Variants in ADGB observed in about 807,000 individuals in gnomAD.
The protein encoded by ADGB is calpain-7-like protein.
In ADGB, 172 loss-of-function variants were observed where a neutral mutation model predicts 210.5. The observed-to-expected ratio is 0.82, with a 90% CI of 0.72 to 0.93. The LOEUF (loss-of-function observed/expected upper bound fraction) is 0.93, where lower values mean the gene tolerates loss of function less well. Ranked by LOEUF, ADGB falls within the 40% of genes least tolerant of loss-of-function variation. The probability of loss-of-function intolerance (pLI) is 0.00; values close to 1 mark genes in which losing one functional copy is unlikely to be tolerated. For missense variants in ADGB, 2,025 were observed against 1,964.8 expected (o/e 1.03, Z -0.58); for synonymous variants, 658 against 662.7 (o/e 0.99, Z 0.11).
chr6:146,683,185 T>C (rs1467395554), intron 9 of ADGB, among the ~76,000 whole-genome samples: 1 of 152,090 alleles, frequency 6.6e-6, no homozygotes, highest in African/African-American at 2.4e-5. Flanking sequence ...TCCAGAACTG[T>C]GGGGAAATAA....
chr6:146,691,304 C>A lies in ADGB; in HGVS notation c.1486+14C>A. Reference sequence around the variant, plus strand: ...ATGAAGCTCAAGGTATGTATCACATCATCTTCAAATCCTTCTAATTAATGT... The same window carrying A: ...ATGAAGCTCAAGGTATGTATCACATAATCTTCAAATCCTTCTAATTAATGT... On this transcript the variant is annotated intron_variant, in intron 11 of 35. Transcript: ENST00000397944. The A allele has an allele frequency of 6.6e-7, 1 of 1,526,158 alleles. No individual in the cohort carries two copies. The highest frequency in any genetic ancestry group is 1.2e-5 in the South Asian group (1 of 80,844). The allele number at this position is 1,526,158 out of a possible 1,614,324, so 94.5% of individuals were successfully genotyped here.
chr6:146,628,170 G>A (rs908978674), intron 1 of ADGB, among the ~76,000 whole-genome samples: 1 of 150,920 alleles, frequency 6.6e-6, no homozygotes, highest in Non-Finnish European at 1.5e-5. Flanking sequence ...GGTTTGGATA[G>A]AATTTTTTTA....
chr6:146,740,154 C>A (rs187156812), intron 23 of ADGB, among the ~76,000 whole-genome samples: 1 of 152,306 alleles, frequency 6.6e-6, no homozygotes, highest in Admixed American at 6.5e-5. Flanking sequence ...CTTATAGCTT[C>A]AACTTTGGTT....
At chr6:146,740,029 G>A (rs190672735) in intron 23 of ADGB, among the ~76,000 whole-genome samples, 142 of 152,284 alleles carry the variant, frequency 9.3e-4, no homozygotes, top group Non-Finnish European at 1.2e-3. Flanking sequence ...TTTTCCAAAC[G>A]TATTTCTCAC....
intron 21 of ADGB, 71 bp downstream of exon 21, chr6:146,733,326 T>C: frequency 7.4e-7 from 1 of 1,357,558 alleles, no homozygotes; most frequent in Non-Finnish European, 9.8e-7. Flanking sequence ...TTAAGAAATG[T>C]GTTTGTGGAG....
intron 35 of ADGB, among the ~76,000 whole-genome samples, chr6:146,808,989 G>T (rs1161472731): frequency 1.3e-5 from 2 of 151,614 alleles, no homozygotes; most frequent in Non-Finnish European, 2.9e-5. Context: ...GGGAGCCCAC[G>T]CTATTTATTG....
chr6:146,781,776 A>T (rs1018265413), intron 29 of ADGB, among the ~76,000 whole-genome samples: 1 of 152,180 alleles, frequency 6.6e-6, no homozygotes, highest in Non-Finnish European at 1.5e-5. Context: ...ATGGTTACAC[A>T]GTCTTATAAA....
At chr6:146,807,150 AAAGT>A (rs1406972924) in intron 35 of ADGB, among the ~76,000 whole-genome samples, 1 of 152,220 alleles carries the variant, frequency 6.6e-6, no homozygotes, top group African/African-American at 2.4e-5. Context: ...TTGGTAAAAA[AAAGT>A]ATGTTTTGAC....
chr6:146,792,419 C>G (rs1029218769), intron 33 of ADGB, among the ~76,000 whole-genome samples: 3 of 152,142 alleles, frequency 2.0e-5, no homozygotes, highest in African/African-American at 7.2e-5. Context: ...TCCAAGGCTG[C>G]ACCAACCTAC....
chr6:146,788,182 A>G (rs559620557), intron 32 of ADGB, among the ~76,000 whole-genome samples: 196 of 152,226 alleles, frequency 1.3e-3, no homozygotes, highest in African/African-American at 3.9e-3. Context: ...ACATTTTAAT[A>G]TATGGAGGCA....
At chr6:146,664,159 T>C in intron 5 of ADGB, 42 bp from the exon 6 acceptor site, 1 of 1,499,670 alleles carries the variant, frequency 6.7e-7, no homozygotes, top group Non-Finnish European at 8.9e-7. Context: ...GAAAAGACTG[T>C]AAGCCATTGA....
Position 146,685,784 on chromosome 6 carries a change from C to A in ADGB, c.1267C>A (p.Pro423Thr). 1 of 1,541,624 alleles carries A rather than the reference C, an allele frequency of 6.5e-7. No individual in the cohort carries two copies. Among genetic ancestry groups the A allele is most frequent in the Non-Finnish European group, 8.8e-7 (1 of 1,142,674 alleles). Reference protein sequence around the residue: ...SHMVVYATFTPLYLFENKIFS... With the variant: ...SHMVVYATFTTLYLFENKIFS... ...TATGGTCGTATATGCGACATTTACA[C>A]CTCTTTATTTGTTTGAAAACAAGAT... The change falls in exon 10 of 36, where the codon CCT (proline) becomes ACT (threonine). Residue 423 changes from proline to threonine, a missense_variant. Transcript: ENST00000397944.
chr6:146,618,236 T>C (rs899367308), intron 1 of ADGB, among the ~76,000 whole-genome samples: 4 of 151,800 alleles, frequency 2.6e-5, no homozygotes, highest in African/African-American at 4.8e-5. Context: ...TCCTTTGTTG[T>C]CTCAGATTTT....
chr6:146,631,972 A>AC (rs1781072900), intron 1 of ADGB, among the ~76,000 whole-genome samples: 1 of 145,246 alleles, frequency 6.9e-6, no homozygotes, highest in South Asian at 2.2e-4. Context: ...TTAAAAAAAA[A>AC]AAAAAACAAA....
rs1413476102 is a variant in ADGB at position 146,672,394 on chromosome 6, C to T, written c.1014C>T (p.Asp338=). 1.6e-5 allele frequency: 25 copies of T among 1,551,138 alleles called. 1 individual carries two copies. Among genetic ancestry groups the T allele is most frequent in the South Asian group, 2.4e-5 (2 of 84,010 alleles). The change falls in exon 8 of 36, where the codon GAC becomes GAT. Residue 338 remains aspartate, a synonymous_variant. Coordinates refer to ENST00000397944, the MANE Select transcript of ADGB (RefSeq NM_024694.4). Reference sequence around the variant, plus strand: ...TAAAGGATGGAAAGGAAGTAAAAGACGTGAAGGAATTCAAACCTGAAAGTT... The same window carrying T: ...TAAAGGATGGAAAGGAAGTAAAAGATGTGAAGGAATTCAAACCTGAAAGTT... ...KEIKDGKEVK[D]VKEFKPESSL...
intron 27 of ADGB, among the ~76,000 whole-genome samples, chr6:146,758,509 G>A (rs927681275): frequency 2.0e-5 from 3 of 151,974 alleles, no homozygotes; most frequent in South Asian, 2.1e-4. Flanking sequence ...CCATTTATAA[G>A]AGAAGTATAC....
chr6:146,636,024 AC>A (rs1275585764), intron 2 of ADGB, among the ~76,000 whole-genome samples: 1 of 152,072 alleles, frequency 6.6e-6, no homozygotes, highest in Non-Finnish European at 1.5e-5. Flanking sequence ...CTCTTCGTTT[AC>A]TTTTTGTCAC....
In ADGB at chr6:146,815,309, T is replaced by G. The variant is rs1778374791; in HGVS notation, c.*92T>G. On this transcript the variant is annotated 3_prime_UTR_variant, in exon 36 of 36. Coordinates refer to ENST00000397944, the MANE Select transcript of ADGB (RefSeq NM_024694.4). ...CCTGCTGTTAAGATATTAGGCCAAATGAAAATAGAAATTTCTCTTTCTTAG... is the reference window on the plus strand; with the variant it reads ...CCTGCTGTTAAGATATTAGGCCAAAGGAAAATAGAAATTTCTCTTTCTTAG... 16 of 928,306 alleles carry G rather than the reference T, an allele frequency of 1.7e-5. No individual in the cohort carries two copies. Among genetic ancestry groups the G allele is most frequent in the Non-Finnish European group, 2.2e-5 (15 of 679,960 alleles). 57.5% of individuals were successfully genotyped at this position (928,306 alleles called of 1,614,324 possible).
chr6:146,749,536 C>A (rs955030146), intron 26 of ADGB, among the ~76,000 whole-genome samples: 7 of 152,238 alleles, frequency 4.6e-5, no homozygotes, highest in Middle Eastern at 3.4e-3. Context: ...TCAACACTGT[C>A]AAGTTCTCCT....
Sources: allele counts gnomAD v4.1 joint callset (sites outside exome capture counted in the v4.1 genomes callset), GRCh38; gene constraint gnomAD v4.1.1; transcripts MANE v1.5; gene names NCBI Gene and HGNC (gene_info 2026-07-23, HGNC 2026-07-21).